Variants in FBXL17 observed in about 807,000 individuals in gnomAD.
The protein encoded by FBXL17 is F-box and leucine rich repeat protein 17.
In FBXL17, 22 loss-of-function variants were observed where a neutral mutation model predicts 66.2. The ratio of observed to expected loss-of-function variants is 0.33; its 90% CI spans 0.24 to 0.47. The LOEUF (loss-of-function observed/expected upper bound fraction) is 0.47, where lower values mean the gene tolerates loss of function less well. Ranked by LOEUF, FBXL17 falls within the 20% of genes least tolerant of loss-of-function variation. The probability of loss-of-function intolerance (pLI) is 1.00; values close to 1 mark genes in which losing one functional copy is unlikely to be tolerated. For synonymous variants in FBXL17, 474 were observed against 400.5 expected (o/e 1.18, Z -2.19); for missense variants, 878 against 948.2 (o/e 0.93, Z 0.97).
At chr5:107,967,972 T>C (rs1752218232) in intron 7 of FBXL17, among the ~76,000 whole-genome samples, 1 of 152,130 alleles carries the variant, frequency 6.6e-6, no homozygotes, top group Non-Finnish European at 1.5e-5. Context: ...AGCACATTAT[T>C]TTTTCAGCTT....
intron 4 of FBXL17, among the ~76,000 whole-genome samples, chr5:108,309,264 T>C (rs1332275649): frequency 6.6e-6 from 1 of 152,038 alleles, no homozygotes; most frequent in Non-Finnish European, 1.5e-5. Context: ...ATTTTTAATA[T>C]TAAAATACAT....
chr5:108,163,988 A>G (rs549646392), intron 6 of FBXL17, among the ~76,000 whole-genome samples: 1 of 152,306 alleles, frequency 6.6e-6, no homozygotes, highest in East Asian at 1.9e-4. Flanking sequence ...TGATATTTAT[A>G]AGCAGTACAA....
At chr5:108,052,429 G>A (rs747407219) in intron 6 of FBXL17, among the ~76,000 whole-genome samples, 7 of 151,870 alleles carry the variant, frequency 4.6e-5, no homozygotes, top group Admixed American at 2.0e-4. Flanking sequence ...GTCAAATCAC[G>A]AATGAACTCC....
intron 6 of FBXL17, among the ~76,000 whole-genome samples, chr5:108,035,193 T>A (rs288157): frequency 0.16 from 23,759 of 152,142 alleles, 2,263 homozygotes; most frequent in South Asian, 0.42. Flanking sequence ...AGAATCAATG[T>A]CTACAAATAA....
intron 7 of FBXL17, among the ~76,000 whole-genome samples, chr5:107,966,514 C>T (rs1285793097): frequency 6.6e-6 from 1 of 152,076 alleles, no homozygotes; most frequent in Non-Finnish European, 1.5e-5. Context: ...TCAAGCAATC[C>T]CTGTTTCCAC....
intron 6 of FBXL17, among the ~76,000 whole-genome samples, chr5:108,158,633 G>A (rs1009292987): frequency 1.3e-5 from 2 of 151,916 alleles, no homozygotes; most frequent in African/African-American, 4.8e-5. Context: ...GGAGCAGAAG[G>A]AACAGGGCCA....
chr5:107,965,755 T>G (rs1179024747), intron 7 of FBXL17, among the ~76,000 whole-genome samples: 2 of 152,168 alleles, frequency 1.3e-5, no homozygotes. Context: ...ACACTCTGAA[T>G]TAGGACCAAT....
intron 8 of FBXL17, among the ~76,000 whole-genome samples, chr5:107,870,879 A>C (rs1219532596): frequency 6.6e-6 from 1 of 151,896 alleles, no homozygotes; most frequent in Non-Finnish European, 1.5e-5. Flanking sequence ...TAAGATAAGA[A>C]ATTTTAAGAA....
intron 7 of FBXL17, among the ~76,000 whole-genome samples, chr5:107,978,913 A>C (rs182701219): frequency 5.3e-5 from 8 of 152,328 alleles, no homozygotes. Context: ...ATTTGTCAGG[A>C]GATTACAGAA....
At chr5:108,099,429 G>C (rs112360151) in intron 6 of FBXL17, among the ~76,000 whole-genome samples, 1 of 152,108 alleles carries the variant, frequency 6.6e-6, no homozygotes, top group African/African-American at 2.4e-5. Flanking sequence ...ATAGGAAAAC[G>C]AAGACCCAAA....
At chr5:108,102,468 C>T (rs775868023) in intron 6 of FBXL17, among the ~76,000 whole-genome samples, 5 of 152,124 alleles carry the variant, frequency 3.3e-5, no homozygotes, top group East Asian at 3.8e-4. Context: ...ACTGAGATCT[C>T]GGCAAATTGC....
chr5:107,949,065 A>G (rs745531358), intron 7 of FBXL17, among the ~76,000 whole-genome samples: 2 of 152,142 alleles, frequency 1.3e-5, no homozygotes, highest in African/African-American at 2.4e-5. Flanking sequence ...GATCAATAGT[A>G]CCAAAAATGG....
At chr5:107,937,827 C>A (rs1026766404) in intron 7 of FBXL17, among the ~76,000 whole-genome samples, 1 of 152,104 alleles carries the variant, frequency 6.6e-6, no homozygotes, top group African/African-American at 2.4e-5. Flanking sequence ...CAGCACTCTG[C>A]CTAATGGCAT....
intron 7 of FBXL17, among the ~76,000 whole-genome samples, chr5:108,010,615 C>G (rs529142259): frequency 6.6e-6 from 1 of 152,218 alleles, no homozygotes; most frequent in East Asian, 1.9e-4. Context: ...AAAGGAAGCA[C>G]GGTTCTTTAG....
intron 7 of FBXL17, among the ~76,000 whole-genome samples, chr5:108,009,066 T>A (rs542481155): frequency 6.6e-6 from 1 of 150,482 alleles, no homozygotes; most frequent in East Asian, 2.0e-4. Context: ...GTATCAATCA[T>A]CAAACAGTAC....
chr5:107,906,579 G>A (rs1458203526), intron 7 of FBXL17, among the ~76,000 whole-genome samples: 4 of 152,134 alleles, frequency 2.6e-5, no homozygotes, highest in Non-Finnish European at 5.9e-5. Context: ...CAGTTAATAA[G>A]AAGTAGGGAC....
intron 4 of FBXL17, among the ~76,000 whole-genome samples, chr5:108,316,841 A>C (rs116123513): frequency 0.015 from 2,318 of 151,324 alleles, 55 homozygotes; most frequent in African/African-American, 0.053. Context: ...AATCACATCA[A>C]AGTATTAAAC....
At chr5:108,047,017 G>A (rs536749752) in intron 6 of FBXL17, among the ~76,000 whole-genome samples, 1 of 152,166 alleles carries the variant, frequency 6.6e-6, no homozygotes, top group Non-Finnish European at 1.5e-5. Flanking sequence ...GTCTTGGATT[G>A]GGTGGGGCCA....
chr5:107,953,809 T>C (rs1751576607), intron 7 of FBXL17, among the ~76,000 whole-genome samples: 1 of 152,214 alleles, frequency 6.6e-6, no homozygotes. Flanking sequence ...TATATCCATC[T>C]TTCAAGAACA....
Sources: gnomAD v4.1 joint callset for allele counts (sites outside exome capture counted in the v4.1 genomes callset) on GRCh38, gnomAD v4.1.1 for gene constraint, MANE v1.5 for transcripts, NCBI Gene and HGNC (gene_info 2026-07-23, HGNC 2026-07-21) for gene names.